Variants in TRIO observed in about 807,000 individuals in gnomAD.
The protein encoded by TRIO is trio Rho guanine nucleotide exchange factor, also known as triple functional domain protein.
TRIO carries 58 observed loss-of-function variants against 351.9 expected under a neutral mutation model. The observed-to-expected ratio is 0.16, with a 90% CI of 0.13 to 0.21. The LOEUF is 0.21. Ranked by LOEUF, TRIO falls within the 10% of genes least tolerant of loss-of-function variation. The pLI is 1.00. For missense variants in TRIO, 3,201 were observed against 4,027.8 expected (o/e 0.79, Z 5.56); for synonymous variants, 1,758 against 1,595.7 (o/e 1.10, Z -2.42).
In TRIO at chr5:14,461,164, G is replaced by T; in HGVS notation, c.5349G>T (p.Arg1783=). ...LRKWLTSPVR[R]LSSGKADGHV... ...AGTGGCTCACCAGCCCCGTGCGGCG[G>T]CTCAGCAGCGGCAAGGCCGACGGGC... The change falls in exon 35 of 57, where the codon CGG becomes CGT. Residue 1783 remains arginine (R), a synonymous_variant. Transcript: ENST00000344204. 1 of 1,557,340 alleles carries T rather than the reference G, an allele frequency of 6.4e-7. No homozygotes were observed. The highest frequency in any genetic ancestry group is 8.7e-7 in the Non-Finnish European group (1 of 1,151,218).
chr5:14,454,486 G>A (rs1437754545), intron 34 of TRIO, among the ~76,000 whole-genome samples: 1 of 152,192 alleles, frequency 6.6e-6, no homozygotes, highest in African/African-American at 2.4e-5. Context: ...CTTCAAAACT[G>A]ATCAGGATAT....
At chr5:14,303,175 C>G (rs529998704) in intron 7 of TRIO, among the ~76,000 whole-genome samples, 3 of 127,698 alleles carry the variant, frequency 2.3e-5, no homozygotes, top group African/African-American at 8.5e-5. Flanking sequence ...GTTGGGATGG[C>G]TGCCGCAGGA....
At chr5:14,485,348 A>G in intron 47 of TRIO, 102 bp downstream of exon 47, 3 of 1,267,884 alleles carry the variant, frequency 2.4e-6, no homozygotes, top group Non-Finnish European at 2.1e-6. Flanking sequence ...GACAGAACTT[A>G]GCACTCACCA....
chr5:14,372,370 T>C (rs1326942271), intron 18 of TRIO, among the ~76,000 whole-genome samples: 1 of 152,114 alleles, frequency 6.6e-6, no homozygotes, highest in Admixed American at 6.5e-5. Context: ...CTTTTGTCTC[T>C]GTGATTGGTA....
At chr5:14,281,479 T>C (rs1182473732) in intron 3 of TRIO, among the ~76,000 whole-genome samples, 4 of 117,338 alleles carry the variant, frequency 3.4e-5, no homozygotes, top group Non-Finnish European at 6.7e-5. Flanking sequence ...ACCTCCAACA[T>C]TGGGGGTTAC....
chr5:14,468,526 A>C (rs923801484), intron 37 of TRIO, among the ~76,000 whole-genome samples: 11 of 152,220 alleles, frequency 7.2e-5, no homozygotes, highest in African/African-American at 2.2e-4. Context: ...AATGCGATCT[A>C]AATTCTCCCC....
chr5:14,290,995 G>A lies in TRIO; in HGVS notation c.820G>A (p.Asp274Asn). 1 of 1,614,210 alleles carries A rather than the reference G, an allele frequency of 6.2e-7. No individual in the cohort carries two copies. The highest frequency in any genetic ancestry group is 8.5e-7 in the Non-Finnish European group (1 of 1,180,040). ...GAAGGTGATTAAGGCCCCCATCGAG[G>A]ACCTGGATTTGGAGGGACAGAAGCT... ...KKKVIKAPIE[D>N]LDLEGQKLLQ... Residue 274 changes from aspartate (D) to asparagine (N), a missense_variant, in exon 5 of 57, where the codon GAC becomes AAC. By Grantham distance (23) the Asp-to-Asn change is conservative. Around this residue, in one of 19 missense-constraint regions of TRIO, gnomAD observed 349 missense variants for 449.3 expected, o/e 0.78. Coordinates refer to ENST00000344204, the MANE Select transcript of TRIO (RefSeq NM_007118.4).
At chr5:14,324,487 A>G (rs1192275620) in intron 9 of TRIO, among the ~76,000 whole-genome samples, 1 of 152,214 alleles carries the variant, frequency 6.6e-6, no homozygotes, top group Non-Finnish European at 1.5e-5. Context: ...TGTAAAAACA[A>G]ACTAGCTTAG....
chr5:14,251,970 A>T (rs72744277), intron 1 of TRIO, among the ~76,000 whole-genome samples: 205 of 16,102 alleles, frequency 0.013, 1 homozygote, highest in African/African-American at 0.013. Context: ...GAGGCAACTT[A>T]AAAAAAAAAA....
At chr5:14,170,787 G>C (rs1044228162) in intron 1 of TRIO, among the ~76,000 whole-genome samples, 1 of 152,130 alleles carries the variant, frequency 6.6e-6, no homozygotes, top group Admixed American at 6.5e-5. Flanking sequence ...TTACAGGAGT[G>C]AACCTCTGTG....
intron 33 of TRIO, among the ~76,000 whole-genome samples, chr5:14,416,152 G>T (rs1189598960): frequency 6.7e-6 from 1 of 149,504 alleles, no homozygotes; most frequent in Non-Finnish European, 1.5e-5. Context: ...GAAATTCTCT[G>T]AAAGCCAAGA....
chr5:14,363,804 A>G lies in TRIO; in HGVS notation c.2464A>G (p.Thr822Ala). 1 of 1,614,128 alleles carries G rather than the reference A, an allele frequency of 6.2e-7. No homozygotes were observed. The highest frequency in any genetic ancestry group is 8.5e-7 in the Non-Finnish European group (1 of 1,179,968). ...QMNDFDTEDL[T>A]IAEQRLQHHA... ...GAATGACTTCGACACAGAAGATCTC[A>G]CGATTGCAGAGCAGCGCCTCCAGCA... The change falls in exon 14 of 57, where the codon ACG becomes GCG. Residue 822 changes from threonine to alanine, a missense_variant. Physicochemically the swap from Thr to Ala is moderately conservative, Grantham distance 58. This residue lies in a region of TRIO where 363 missense variants were observed against 553.5 expected (regional missense o/e 0.66). Transcript: ENST00000344204.
Position 14,374,217 on chromosome 5 carries a change from A to T in TRIO, c.3217-12A>T, listed in dbSNP as rs748270139. 6.2e-7 allele frequency: 1 copy of T among 1,611,034 alleles called. No homozygotes were observed. The highest frequency in any genetic ancestry group is 8.5e-7 in the Non-Finnish European group (1 of 1,177,914). ...TCAAATTAGCAACACATTGCTCTCCATTGTTTTTTAGGCTTGCACCCTTGC... is the reference window on the plus strand; with the variant it reads ...TCAAATTAGCAACACATTGCTCTCCTTTGTTTTTTAGGCTTGCACCCTTGC... On this transcript the variant is annotated splice_polypyrimidine_tract_variant and intron_variant, in intron 18 of 56. Coordinates refer to ENST00000344204, the MANE Select transcript of TRIO (RefSeq NM_007118.4).
chr5:14,246,614 T>G (rs1794452839), intron 1 of TRIO, among the ~76,000 whole-genome samples: 2 of 152,222 alleles, frequency 1.3e-5, no homozygotes, highest in Non-Finnish European at 2.9e-5. Context: ...AGCTGAGGCC[T>G]GCCCCCTTTC....
At chr5:14,439,478 T>G (rs1751855384) in intron 34 of TRIO, among the ~76,000 whole-genome samples, 1 of 152,246 alleles carries the variant, frequency 6.6e-6, no homozygotes, top group African/African-American at 2.4e-5. Flanking sequence ...AGTTTTTAAA[T>G]TAATGGCCCA....
At chr5:14,249,441 TG>T (rs1300965071) in intron 1 of TRIO, among the ~76,000 whole-genome samples, 1 of 152,202 alleles carries the variant, frequency 6.6e-6, no homozygotes, top group Non-Finnish European at 1.5e-5. Flanking sequence ...GAAAGATAGC[TG>T]AACTTTCTGG....
intron 9 of TRIO, among the ~76,000 whole-genome samples, chr5:14,329,660 A>T (rs933996709): frequency 6.6e-6 from 1 of 152,268 alleles, no homozygotes; most frequent in Non-Finnish European, 1.5e-5. Context: ...GTGAACCTTC[A>T]ATACTATAGC....
chr5:14,396,739 G>A (rs958624931), intron 28 of TRIO, among the ~76,000 whole-genome samples: 1 of 151,632 alleles, frequency 6.6e-6, no homozygotes, highest in African/African-American at 2.4e-5. Context: ...CGAAGTGCTG[G>A]GATTACAGGC....
chr5:14,222,080 C>T (rs1313030068), intron 1 of TRIO, among the ~76,000 whole-genome samples: 1 of 152,032 alleles, frequency 6.6e-6, no homozygotes, highest in African/African-American at 2.4e-5. Flanking sequence ...CGGCAAGACC[C>T]TCCACCAGCA....
Sources: allele counts gnomAD v4.1 joint callset (sites outside exome capture counted in the v4.1 genomes callset), GRCh38; gene constraint gnomAD v4.1.1; regional missense constraint gnomAD v4.1.1; transcripts MANE v1.5; gene names NCBI Gene and HGNC (gene_info 2026-07-23, HGNC 2026-07-21).